IGDCC4: variants seen among roughly 807,000 people sequenced by gnomAD.
IGDCC4 encodes likely ortholog of mouse neighbor of Punc E11.
A neutral mutation model predicts 116.6 loss-of-function variants in IGDCC4; 72 were observed. The observed-to-expected ratio is 0.62, with a 90% CI of 0.51 to 0.75. IGDCC4 has a LOEUF of 0.75. IGDCC4 is among the 30% of genes least tolerant of loss of function. The pLI is 0.00. For missense variants in IGDCC4, 1,501 were observed against 1,662.4 expected, an observed-to-expected ratio of 0.90 and a Z score of 1.69; for synonymous variants, 709 against 719.9, an observed-to-expected ratio of 0.98 and a Z score of 0.24.
chr15:65,401,013 GTC>G, intron 4 of IGDCC4, 67 bp from the exon 5 acceptor site: 1 of 1,597,166 alleles, frequency 6.3e-7, no homozygotes. Context: ...CCTCACCTGA[GTC>G]TCACAGTAAC....
chr15:65,393,738 A>G lies in IGDCC4; in HGVS notation c.1715-207T>C, dbSNP rs1306924967. On this transcript the variant is annotated intron_variant, in intron 9 of 19. Transcript: ENST00000352385. This position sits in a 1 kb window ranked among gnomAD's most constrained non-coding sequence, Gnocchi z 4.6. ...CCTCCAACTCTGGCTGATGCAGGCC[A>G]TCAGCCTGGGCTCAGCTGCAGGGAG... Among the ~76,000 whole-genome samples, 11 of 152,148 alleles carry G rather than the reference A, an allele frequency of 7.2e-5. No individual in the cohort carries two copies. The highest frequency in any genetic ancestry group is 2.7e-4 in the African/African-American group (11 of 41,448).
Position 65,385,043 on chromosome 15 carries a change from G to A in IGDCC4, c.3253C>T (p.Pro1085Ser), listed in dbSNP as rs760811544. Residue 1085 changes from proline (P) to serine (S), a missense_variant, in exon 19 of 20, where the codon CCC (proline) becomes TCC (serine). This residue lies in a region of IGDCC4 where 368 missense variants were observed against 355.6 expected (regional missense o/e 1.03). Transcript: ENST00000352385. ...WAGCELPQAG[P>S]RPALTRALLP... ...AGGGCCCGGGTCAGAGCCGGCCGGG[G>A]GCCTGCCTGGGGCAGCTCACAGCCT... The A allele has an allele frequency of 3.1e-6, 5 of 1,603,762 alleles. No individual in the cohort carries two copies. In the South Asian group the frequency reaches 5.5e-5, roughly 18 times the overall value.
Position 65,396,138 on chromosome 15 carries a change from G to T in IGDCC4, c.1023C>A (p.Pro341=). The part of the protein sequence containing the change: ...VLAAPAITQA[P]EALSRTRAST... ...TCGCCCGCGTCCGCGACAGCGCCTCGGGCGCCTGAGTGATGGCGGGAGCCG... is the reference window on the plus strand; with the variant it reads ...TCGCCCGCGTCCGCGACAGCGCCTCTGGCGCCTGAGTGATGGCGGGAGCCG... Residue 341 remains proline (P), a synonymous_variant, in exon 7 of 20, where the codon CCC becomes CCA. Coordinates refer to ENST00000352385, the MANE Select transcript of IGDCC4 (RefSeq NM_020962.3). 1 of 1,469,350 alleles carries T rather than the reference G, an allele frequency of 6.8e-7. No homozygotes were observed. The highest frequency in any genetic ancestry group is 1.3e-5 in the South Asian group (1 of 75,384). The allele number at this position is 1,469,350 out of a possible 1,614,324, so 91.0% of individuals were successfully genotyped here. A position where few individuals can be genotyped will look rare whatever the true frequency, so the allele number is the denominator to read the frequency against.
chr15:65,390,007 C>T, intron 13 of IGDCC4, 148 bp downstream of exon 13: 1 of 673,934 alleles, frequency 1.5e-6, no homozygotes, highest in Non-Finnish European at 2.4e-6. Flanking sequence ...TGTGCAGCCC[C>T]TCTGTGTGGC....
intron 4 of IGDCC4, among the ~76,000 whole-genome samples, chr15:65,401,886 C>T (rs974543290): frequency 5.3e-5 from 8 of 152,118 alleles, no homozygotes; most frequent in Admixed American, 1.3e-4. Context: ...TTCAAAGAAA[C>T]GAGTAAAGGA....
intron 1 of IGDCC4, among the ~76,000 whole-genome samples, chr15:65,419,399 G>A (rs557158086): frequency 1.6e-4 from 25 of 152,204 alleles, no homozygotes; most frequent in African/African-American, 5.8e-4. Context: ...GACATTCAAT[G>A]ATGCGCTAAT....
intron 3 of IGDCC4, among the ~76,000 whole-genome samples, chr15:65,407,286 T>C (rs2063048824): frequency 7.1e-6 from 1 of 141,218 alleles, no homozygotes; most frequent in Non-Finnish European, 1.5e-5. Context: ...CATTTTTGTT[T>C]TTGAAAAAAA....
At chr15:65,398,544 A>G (rs953557616) in intron 5 of IGDCC4, among the ~76,000 whole-genome samples, 5 of 150,510 alleles carry the variant, frequency 3.3e-5, no homozygotes, top group Admixed American at 6.6e-5. Context: ...AAAAAAAAAA[A>G]AAAAAAAAAA....
chr15:65,421,926 C>T (rs1032192294), intron 1 of IGDCC4, among the ~76,000 whole-genome samples: 1 of 152,108 alleles, frequency 6.6e-6, no homozygotes, highest in Non-Finnish European at 1.5e-5. Flanking sequence ...CTTTCTCCAG[C>T]TTGGACAACT....
At chr15:65,406,423 G>C (rs758743755) in intron 3 of IGDCC4, among the ~76,000 whole-genome samples, 8 of 152,172 alleles carry the variant, frequency 5.3e-5, no homozygotes, top group South Asian at 2.1e-4. Context: ...TCCCATGAAA[G>C]AAAAATTATC....
chr15:65,417,477 G>A (rs550197685), intron 1 of IGDCC4, among the ~76,000 whole-genome samples: 21 of 152,260 alleles, frequency 1.4e-4, no homozygotes, highest in African/African-American at 4.8e-4. Flanking sequence ...CTTGTTCCAC[G>A]CATTGCTGGT....
chr15:65,386,545 G>C lies in IGDCC4; in HGVS notation c.2951+6C>G, dbSNP rs768517777. The C allele has an allele frequency of 1.9e-6, 3 of 1,591,698 alleles. No individual in the cohort carries two copies. Among genetic ancestry groups the C allele is most frequent in the Non-Finnish European group, 1.7e-6 (2 of 1,172,262 alleles). Reference sequence around the variant, plus strand: ...TCCCTGAAGTCAGACTGGCTCCCCTGCTCACCTGTGGGGGCTGCGGCGCAG... The same window carrying C: ...TCCCTGAAGTCAGACTGGCTCCCCTCCTCACCTGTGGGGGCTGCGGCGCAG... On this transcript the variant is annotated splice_donor_region_variant and intron_variant, in intron 17 of 19. Transcript: ENST00000352385.
rs146624616 is a variant in IGDCC4 at position 65,395,831 on chromosome 15, C to T, written c.1330G>A (p.Ala444Thr). The T allele has an allele frequency of 1.3e-6, 2 of 1,543,762 alleles. No homozygotes were observed. Among genetic ancestry groups the T allele is most frequent in the African/African-American group, 2.8e-5 (2 of 72,508 alleles). Residue 444 changes from alanine (A) to threonine (T), a missense_variant, in exon 7 of 20, where the codon GCT becomes ACT. Transcript: ENST00000352385. ...RVTATPLSSS[A>T]VLVAWERPEM... ...GGCCGCTCCCAGGCCACCAACACAG[C>T]GGAGCTGCTCAGTGGCGTAGCAGTG...
rs763364487 is a variant in IGDCC4 at position 65,384,343 on chromosome 15, C to G, written c.3419G>C (p.Ser1140Thr). 8 of 1,587,670 alleles carry G rather than the reference C, an allele frequency of 5.0e-6. No individual in the cohort carries two copies. Among genetic ancestry groups the G allele is most frequent in the Non-Finnish European group, 6.8e-6 (8 of 1,168,944 alleles). The stretch of plus-strand genomic sequence containing the variant: ...GAGGTCAGGGTTCCCGTTAGATGCA[C>G]TAAAGTCAGAGTGGACAATGACTTC... ...EAEVIVHSDFSASNGNPDLHL... is the reference protein window; with the variant it reads ...EAEVIVHSDFTASNGNPDLHL... The change falls in exon 20 of 20, where the codon AGT becomes ACT. Residue 1140 changes from serine (S) to threonine (T), a missense_variant. Transcript: ENST00000352385. This position sits in a 1 kb window ranked among gnomAD's most constrained non-coding sequence, Gnocchi z 4.9.
rs371747472 is a variant in IGDCC4 at position 65,401,176 on chromosome 15, A to G, written c.701-230T>C. Among the ~76,000 whole-genome samples, 28 of 152,312 alleles carry G rather than the reference A, an allele frequency of 1.8e-4. No individual in the cohort carries two copies. In the East Asian group the frequency reaches 2.3e-3, roughly 13 times the overall value. On this transcript the variant is annotated intron_variant, in intron 4 of 19. Transcript: ENST00000352385. ...TAGGCTTCAACTCAGCACCAGAGAA[A>G]TGATTAGACAGACCCACACCTACCT...
chr15:65,392,900 T>A (rs1009557940), intron 10 of IGDCC4, among the ~76,000 whole-genome samples: 1 of 152,174 alleles, frequency 6.6e-6, no homozygotes, highest in African/African-American at 2.4e-5. Context: ...TACTACAACC[T>A]TCGCTTTACA....
intron 1 of IGDCC4, among the ~76,000 whole-genome samples, chr15:65,415,367 G>A (rs1041683170): frequency 2.0e-5 from 3 of 152,212 alleles, no homozygotes; most frequent in South Asian, 2.1e-4. Flanking sequence ...CAGGCAGGAC[G>A]GCCGCCAGAG....
intron 1 of IGDCC4, among the ~76,000 whole-genome samples, chr15:65,419,092 G>A (rs1436981977): frequency 6.6e-6 from 1 of 151,816 alleles, no homozygotes; most frequent in Non-Finnish European, 1.5e-5. Context: ...TCACTCTGTT[G>A]CCCAGGGTGG....
At chr15:65,385,690 G>T in intron 18 of IGDCC4, 141 bp downstream of exon 18, 1 of 753,916 alleles carries the variant, frequency 1.3e-6, no homozygotes, top group Non-Finnish European at 2.4e-6. Flanking sequence ...CAACCATTCC[G>T]TGGAGGAGGG....
Sources: allele counts gnomAD v4.1 joint callset (sites outside exome capture counted in the v4.1 genomes callset), GRCh38; gene constraint gnomAD v4.1.1; regional missense constraint gnomAD v4.1.1; non-coding constraint Gnocchi (gnomAD v3.1); transcripts MANE v1.5; gene names NCBI Gene and HGNC (gene_info 2026-07-23, HGNC 2026-07-21).